MAP3K7CL: variants seen among roughly 807,000 people sequenced by gnomAD.
MAP3K7CL encodes MAP3K7 C-terminal-like protein.
MAP3K7CL carries 16 observed loss-of-function variants against 18.6 expected under a neutral mutation model. The observed-to-expected ratio is 0.86, with a 90% CI of 0.58 to 1.31. The LOEUF (loss-of-function observed/expected upper bound fraction) is 1.31, where lower values mean the gene tolerates loss of function less well. Ranked by LOEUF, MAP3K7CL falls within the 50% of genes most tolerant of loss-of-function variation. MAP3K7CL has a pLI of 0.00. For synonymous variants in MAP3K7CL, 65 were observed against 66.8 expected (o/e 0.97, Z 0.13); for missense variants, 163 against 174.4 (o/e 0.93, Z 0.37).
chr21:29,135,187 A>T (rs2086859941), intron 2 of MAP3K7CL, among the ~76,000 whole-genome samples: 1 of 152,192 alleles, frequency 6.6e-6, no homozygotes, highest in South Asian at 2.1e-4. Flanking sequence ...TCAGGGCCCT[A>T]GGCTTGAAGT....
chr21:29,150,410 G>A (rs944489559), intron 3 of MAP3K7CL, among the ~76,000 whole-genome samples: 4 of 152,194 alleles, frequency 2.6e-5, no homozygotes, highest in Non-Finnish European at 2.9e-5. Context: ...TGATCTGGCC[G>A]CTTGGAGGAG....
chr21:29,095,361 G>A (rs1231836583), intron 4 of MAP3K7CL, among the ~76,000 whole-genome samples: 3 of 152,096 alleles, frequency 2.0e-5, no homozygotes, highest in African/African-American at 7.2e-5. Context: ...GGAGCCTTTT[G>A]TGTGGGGCAG....
chr21:29,158,474 C>T lies in MAP3K7CL; in HGVS notation c.133-1467C>T, dbSNP rs182133242. ...GAACTGGGACATAACAGATGTTCCA[C>T]GTGAAGGTAAATTTGACCTAAATCT... On this transcript the variant is annotated intron_variant, in intron 3 of 4. Transcript: ENST00000399928. Among the ~76,000 whole-genome samples the T allele has an allele frequency of 3.8e-3, 573 of 152,188 alleles. 5 individuals are homozygous for T. Among genetic ancestry groups the T allele is most frequent in the Non-Finnish European group, 3.5e-3 (239 of 68,006 alleles).
intron 2 of MAP3K7CL, among the ~76,000 whole-genome samples, chr21:29,144,498 A>T (rs8131295): frequency 0.33 from 50,608 of 152,106 alleles, 8,528 homozygotes; most frequent in Non-Finnish European, 0.35. Flanking sequence ...CTGGTTCATG[A>T]AATACGAGTC....
chr21:29,117,632 C>T (rs1456400027), intron 4 of MAP3K7CL, among the ~76,000 whole-genome samples: 3 of 152,226 alleles, frequency 2.0e-5, no homozygotes, highest in Non-Finnish European at 4.4e-5. Flanking sequence ...AAGGATTGTG[C>T]ATTTGCATGC....
At chr21:29,153,535 C>A (rs560381608) in intron 3 of MAP3K7CL, among the ~76,000 whole-genome samples, 1 of 152,250 alleles carries the variant, frequency 6.6e-6, no homozygotes, top group African/African-American at 2.4e-5. Context: ...GCAGCCTCGA[C>A]CTCCCCAAGC....
At chr21:29,138,479 G>A (rs1255658802) in intron 2 of MAP3K7CL, among the ~76,000 whole-genome samples, 2 of 152,174 alleles carry the variant, frequency 1.3e-5, no homozygotes, top group African/African-American at 4.8e-5. Context: ...TTTAGAGTTG[G>A]ACAGACATTA....
chr21:29,086,041 T>G lies in MAP3K7CL; in HGVS notation c.57+124T>G, dbSNP rs117225571. 1.6e-3 allele frequency: 1,640 copies of G among 1,057,056 alleles called. 10 individuals are homozygous for G. Among genetic ancestry groups the G allele is most frequent in the Middle Eastern group, 6.0e-3 (29 of 4,840 alleles). 65.5% of individuals were successfully genotyped at this position (1,057,056 alleles called of 1,614,324 possible). A position where few individuals can be genotyped will look rare whatever the true frequency, so the allele number is the denominator to read the frequency against. ...AGAAATGGACCTTGGAAGTCTCAGC[T>G]AACCATTACTGTTGGCAATCTGTGG... On this transcript the variant is annotated intron_variant, in intron 1 of 6. Coordinates refer to the MAP3K7CL transcript ENST00000286791.
intron 4 of MAP3K7CL, among the ~76,000 whole-genome samples, chr21:29,092,878 C>T (rs986269287): frequency 5.3e-5 from 8 of 152,154 alleles, no homozygotes; most frequent in East Asian, 3.9e-4. Context: ...ATCTCTCCAA[C>T]GTCTCTGACT....
chr21:29,078,900 C>T (rs1044105942), intron 1 of MAP3K7CL, among the ~76,000 whole-genome samples: 3 of 152,152 alleles, frequency 2.0e-5, no homozygotes, highest in African/African-American at 7.2e-5. Flanking sequence ...ACTGATTCGA[C>T]TGGTAAAGAT....
At chr21:29,101,585 T>C (rs1460873252) in intron 4 of MAP3K7CL, among the ~76,000 whole-genome samples, 1 of 152,114 alleles carries the variant, frequency 6.6e-6, no homozygotes, top group Non-Finnish European at 1.5e-5. Flanking sequence ...ATTTTTTGTA[T>C]TTTTAGTAGA....
At chr21:29,100,083 T>TG (rs2086198707) in intron 4 of MAP3K7CL, among the ~76,000 whole-genome samples, 1 of 122,856 alleles carries the variant, frequency 8.1e-6, no homozygotes, top group African/African-American at 3.1e-5. Flanking sequence ...ACTCCGTCTT[T>TG]AAAAAAAAAA....
At chr21:29,160,087 G>A (rs2087509262) in intron 4 of MAP3K7CL, 31 bp downstream of exon 4, 3 of 1,561,886 alleles carry the variant, frequency 1.9e-6, no homozygotes, top group Non-Finnish European at 1.8e-6. Flanking sequence ...CTCTACATCT[G>A]AGCACTGCCT....
intron 2 of MAP3K7CL, among the ~76,000 whole-genome samples, chr21:29,148,610 A>G (rs1052384308): frequency 6.6e-6 from 1 of 152,174 alleles, no homozygotes; most frequent in African/African-American, 2.4e-5. Flanking sequence ...ATTCTGCTGC[A>G]GGGTAGGAGT....
chr21:29,135,968 G>A (rs2086876856), intron 2 of MAP3K7CL, among the ~76,000 whole-genome samples: 1 of 152,254 alleles, frequency 6.6e-6, no homozygotes, highest in African/African-American at 2.4e-5. Flanking sequence ...CAGGAGCTGA[G>A]GTTCAGTGTT....
chr21:29,151,481 T>TA (rs2087274881), intron 3 of MAP3K7CL, among the ~76,000 whole-genome samples: 1 of 151,954 alleles, frequency 6.6e-6, no homozygotes, highest in Admixed American at 6.6e-5. Context: ...CTCAAAAAAA[T>TA]AAAAAAGAAA....
intron 3 of MAP3K7CL, among the ~76,000 whole-genome samples, chr21:29,152,293 T>C (rs2087294909): frequency 6.6e-6 from 1 of 152,224 alleles, no homozygotes. Flanking sequence ...TTTCTATACT[T>C]AGCGTAAGCA....
At chr21:29,160,426 A>G (rs1325933230) in intron 4 of MAP3K7CL, among the ~76,000 whole-genome samples, 3 of 152,268 alleles carry the variant, frequency 2.0e-5, no homozygotes, top group African/African-American at 7.2e-5. Flanking sequence ...TGAAGAAGCC[A>G]CTGGGATAGC....
upstream of MAP3K7CL, among the ~76,000 whole-genome samples, chr21:29,128,700 T>A (rs147167706): frequency 2.6e-4 from 40 of 152,344 alleles, no homozygotes; most frequent in Non-Finnish European, 3.2e-4. Context: ...AATTCTATTA[T>A]GGTCATTCAT....
Sources: allele counts gnomAD v4.1 joint callset (sites outside exome capture counted in the v4.1 genomes callset), GRCh38; gene constraint gnomAD v4.1.1; transcripts MANE v1.5; gene names NCBI Gene and HGNC (gene_info 2026-07-23, HGNC 2026-07-21).